The following COL28A1 variants were observed in gnomAD, a reference collection of about 807,000 sequenced individuals.
COL28A1 encodes collagen type XXVIII alpha 1 chain, also known as collagen alpha-1(XXVIII) chain.
In COL28A1, 161 loss-of-function variants were observed where a neutral mutation model predicts 150.2. The ratio of observed to expected loss-of-function variants is 1.07; its 90% CI spans 0.94 to 1.22. COL28A1 has a LOEUF of 1.22. Among genes scored for constraint, COL28A1 ranks in the 50% most tolerant of loss-of-function variants. The pLI, the probability that COL28A1 is intolerant of heterozygous loss-of-function variation, is 0.00. For missense variants in COL28A1, 1,617 were observed against 1,388.3 expected, an observed-to-expected ratio of 1.16 and a Z score of -2.62; for synonymous variants, 552 against 469.7, an observed-to-expected ratio of 1.18 and a Z score of -2.26.
intron 21 of COL28A1, among the ~76,000 whole-genome samples, chr7:7,437,918 A>G (rs1429461477): frequency 6.6e-6 from 1 of 152,050 alleles, no homozygotes; most frequent in Non-Finnish European, 1.5e-5. Flanking sequence ...ATTCCATGTT[A>G]TCTCACATCC....
At chr7:7,367,306 C>G (rs1780987269) in intron 33 of COL28A1, among the ~76,000 whole-genome samples, 1 of 152,132 alleles carries the variant, frequency 6.6e-6, no homozygotes, top group African/African-American at 2.4e-5. Flanking sequence ...CAGAAAGTGT[C>G]CCTGTCATTA....
intron 33 of COL28A1, among the ~76,000 whole-genome samples, chr7:7,369,863 A>C (rs963394011): frequency 1.3e-5 from 2 of 152,186 alleles, no homozygotes; most frequent in African/African-American, 4.8e-5. Context: ...GAAAAGGGCA[A>C]TGCAAGGACT....
intron 11 of COL28A1, among the ~76,000 whole-genome samples, chr7:7,502,846 C>T (rs1252028556): frequency 2.1e-5 from 2 of 96,462 alleles, no homozygotes; most frequent in South Asian, 3.2e-4. Flanking sequence ...TACAGGCGCC[C>T]GCTACCACGC....
At chr7:7,517,759 T>C in intron 7 of COL28A1, 37 bp downstream of exon 7, 1 of 1,612,734 alleles carries the variant, frequency 6.2e-7, no homozygotes, top group East Asian at 2.2e-5. Flanking sequence ...TAACCTAGGA[T>C]CACTTTCTTA....
chr7:7,403,862 T>C (rs1783354657), intron 27 of COL28A1, among the ~76,000 whole-genome samples: 1 of 152,222 alleles, frequency 6.6e-6, no homozygotes, highest in African/African-American at 2.4e-5. Context: ...AATTTTGTCA[T>C]AATAAAATGT....
rs184807608 is a variant in COL28A1 at position 7,523,466 on chromosome 7, T to C, written c.702+763A>G. On this transcript the variant is annotated intron_variant, in intron 4 of 34. Transcript: ENST00000399429. ...AGCGACCATGCCTGGCCGTTTTTTT[T>C]TTCCTTTCTTAATGGTACATAACAT... 7.4e-3 allele frequency among the ~76,000 whole-genome samples: 1,127 copies of C among 152,146 alleles called. 24 individuals carry two copies. The highest frequency in any genetic ancestry group is 6.8e-3 in the Non-Finnish European group (460 of 67,978).
intron 25 of COL28A1, chr7:7,431,537 A>C (rs1784973827): frequency 4.2e-6 from 2 of 471,022 alleles, no homozygotes; most frequent in South Asian, 3.1e-5. Flanking sequence ...TGCAGGAATG[A>C]GCTGAAGTAG....
At chr7:7,395,433 T>C (rs1315996467) in intron 27 of COL28A1, among the ~76,000 whole-genome samples, 1 of 152,224 alleles carries the variant, frequency 6.6e-6, no homozygotes, top group African/African-American at 2.4e-5. Flanking sequence ...CTTTCTTCCT[T>C]ATCATTTTCC....
At chr7:7,461,425 T>G (rs1787611709) in intron 15 of COL28A1, among the ~76,000 whole-genome samples, 1 of 152,064 alleles carries the variant, frequency 6.6e-6, no homozygotes, top group Admixed American at 6.5e-5. Context: ...GTGTGCAGAC[T>G]CCACAGACAG....
At chr7:7,356,277 C>T (rs922673983), downstream of COL28A1, 25 of 152,088 alleles carry the variant, frequency 1.6e-4, no homozygotes, top group African/African-American at 5.1e-4. Context: ...TAGAGTTTTA[C>T]ATGTAAAATT....
chr7:7,447,923 C>A (rs980603896), intron 18 of COL28A1, among the ~76,000 whole-genome samples: 2 of 152,036 alleles, frequency 1.3e-5, no homozygotes, highest in Non-Finnish European at 2.9e-5. Flanking sequence ...CAAAAATTAG[C>A]CAGGAGTGGT....
intron 18 of COL28A1, among the ~76,000 whole-genome samples, chr7:7,449,196 A>G (rs1786494697): frequency 6.6e-6 from 1 of 151,936 alleles, no homozygotes; most frequent in South Asian, 2.1e-4. Context: ...TGATCATCAT[A>G]AAAAAGTACA....
chr7:7,498,567 T>C (rs988809073), intron 11 of COL28A1, among the ~76,000 whole-genome samples: 2 of 152,226 alleles, frequency 1.3e-5, no homozygotes, highest in Admixed American at 6.5e-5. Context: ...ACACTGTGAA[T>C]GTATTTAATA....
At chr7:7,540,121 T>C (rs932805063), upstream of COL28A1, among the ~76,000 whole-genome samples, 1 of 152,220 alleles carries the variant, frequency 6.6e-6, no homozygotes, top group East Asian at 1.9e-4. Flanking sequence ...CTAAGAAATA[T>C]CTGAAAGTAG....
chr7:7,505,256 G>C (rs1473309810), intron 11 of COL28A1, among the ~76,000 whole-genome samples: 1 of 152,148 alleles, frequency 6.6e-6, no homozygotes, highest in Non-Finnish European at 1.5e-5. Context: ...GGTCAGTTGA[G>C]GATGGCATCT....
Position 7,452,234 on chromosome 7 carries a change from A to C in COL28A1, c.1509+85T>G. 2.6e-6 allele frequency: 4 copies of C among 1,548,026 alleles called. No individual in the cohort carries two copies. The Middle Eastern group carries it at 7.3e-4, about 281-fold the overall frequency. On this transcript the variant is annotated intron_variant, in intron 18 of 34. Transcript: ENST00000399429. ...ATGTAGAGTTAGATAACACACACAG[A>C]GTCTGTAAGGCAATTGGATATAAAG...
At chr7:7,517,963 G>T in intron 6 of COL28A1, 126 bp from the exon 7 acceptor site, 26 of 1,016,688 alleles carry the variant, frequency 2.6e-5, no homozygotes, top group Middle Eastern at 2.6e-4. Flanking sequence ...CTTTCCCGTT[G>T]ACATTTTCAC....
chr7:7,501,653 C>G (rs1039526359), intron 11 of COL28A1, among the ~76,000 whole-genome samples: 1 of 152,128 alleles, frequency 6.6e-6, no homozygotes, highest in African/African-American at 2.4e-5. Flanking sequence ...CTTGAAAGGC[C>G]TACCAATCAT....
At chr7:7,507,095 G>C (rs1306075030) in intron 10 of COL28A1, 22 bp downstream of exon 10, 1 of 1,039,230 alleles carries the variant, frequency 9.6e-7, no homozygotes, top group African/African-American at 1.6e-5. Context: ...TTCAAACTTA[G>C]ATTTGGTTTT....
Sources: allele counts gnomAD v4.1 joint callset (sites outside exome capture counted in the v4.1 genomes callset), GRCh38; gene constraint gnomAD v4.1.1; transcripts MANE v1.5; gene names NCBI Gene and HGNC (gene_info 2026-07-23, HGNC 2026-07-21).